The following FGD6 variants were observed in gnomAD, a reference collection of about 807,000 sequenced individuals.
FGD6 encodes the protein FYVE, RhoGEF and PH domain containing 6, also known as FYVE, RhoGEF and PH domain-containing protein 6.
FGD6 carries 90 observed loss-of-function variants against 149.4 expected under a neutral mutation model. The observed-to-expected ratio is 0.60, with a 90% CI of 0.51 to 0.72. The LOEUF is 0.72. FGD6 is among the 30% of genes least tolerant of loss of function. FGD6 has a pLI of 0.00. For synonymous variants in FGD6, 527 were observed against 584.0 expected, an observed-to-expected ratio of 0.90 and a Z score of 1.41; for missense variants, 1,437 against 1,684.8, an observed-to-expected ratio of 0.85 and a Z score of 2.57.
At chr12:95,191,692 A>G (rs1881592849) in intron 2 of FGD6, among the ~76,000 whole-genome samples, 1 of 152,150 alleles carries the variant, frequency 6.6e-6, no homozygotes, top group Non-Finnish European at 1.5e-5. Flanking sequence ...CCCTTATATA[A>G]AATGGTATGG....
At chr12:95,211,537 T>A (rs1380019672) in intron 1 of FGD6, among the ~76,000 whole-genome samples, 2 of 82,718 alleles carry the variant, frequency 2.4e-5, no homozygotes, top group East Asian at 5.5e-4. Context: ...TTTTTTCTTT[T>A]TCTTCTTTTT....
At chr12:95,154,785 T>C (rs1300903619) in intron 3 of FGD6, among the ~76,000 whole-genome samples, 2 of 152,178 alleles carry the variant, frequency 1.3e-5, no homozygotes, top group Admixed American at 1.3e-4. Context: ...CAGTCATTCA[T>C]TAATGAAATG....
chr12:95,119,564 G>A (rs1325850380), intron 8 of FGD6, among the ~76,000 whole-genome samples: 1 of 152,204 alleles, frequency 6.6e-6, no homozygotes, highest in Non-Finnish European at 1.5e-5. Flanking sequence ...TATACCTGCT[G>A]TCCAGGCATA....
At chr12:95,181,767 T>C (rs1461413395) in intron 2 of FGD6, among the ~76,000 whole-genome samples, 1 of 152,032 alleles carries the variant, frequency 6.6e-6, no homozygotes, top group Admixed American at 6.6e-5. Flanking sequence ...TCCTGGCTAA[T>C]GCAGTGAAAC....
intron 13 of FGD6, among the ~76,000 whole-genome samples, chr12:95,105,816 G>A (rs2136240315): frequency 6.6e-6 from 1 of 152,248 alleles, no homozygotes; most frequent in South Asian, 2.1e-4. Flanking sequence ...TTGAGGTCAG[G>A]ACTTTGAGAC....
chr12:95,087,512 A>T (rs940461048), intron 18 of FGD6, among the ~76,000 whole-genome samples: 41 of 152,344 alleles, frequency 2.7e-4, no homozygotes, highest in African/African-American at 9.4e-4. Context: ...GCTAGTAAGA[A>T]GGCAAGGCCC....
chr12:95,195,986 G>C (rs1413830976), intron 2 of FGD6, among the ~76,000 whole-genome samples: 3 of 152,000 alleles, frequency 2.0e-5, no homozygotes, highest in Non-Finnish European at 4.4e-5. Flanking sequence ...GGCAGGTGTG[G>C]TGGCGCACGT....
chr12:95,127,119 CT>C (rs879523616), intron 8 of FGD6, among the ~76,000 whole-genome samples: 326 of 145,354 alleles, frequency 2.2e-3, no homozygotes, highest in Middle Eastern at 3.7e-3. Flanking sequence ...GACAGCCCTA[CT>C]TTTTTTTTTT....
intron 1 of FGD6, among the ~76,000 whole-genome samples, chr12:95,214,907 G>A (rs2056746451): frequency 7.1e-6 from 1 of 140,144 alleles, no homozygotes; most frequent in Non-Finnish European, 1.5e-5. Flanking sequence ...CTGTCACCCA[G>A]GCTAGAGTGC....
chr12:95,116,866 C>T, intron 8 of FGD6: 2 of 455,976 alleles, frequency 4.4e-6, no homozygotes, highest in African/African-American at 2.0e-5. Context: ...GCCTGGATCT[C>T]CTTAAACAGT....
chr12:95,094,116 G>A (rs188299868), intron 15 of FGD6, among the ~76,000 whole-genome samples: 212 of 149,094 alleles, frequency 1.4e-3, no homozygotes, highest in African/African-American at 5.0e-3. Context: ...CTGAGTTTGC[G>A]CCATTGCACT....
chr12:95,146,225 C>A (rs539836033), intron 5 of FGD6, among the ~76,000 whole-genome samples: 49 of 152,288 alleles, frequency 3.2e-4, no homozygotes, highest in African/African-American at 1.2e-3. Context: ...CAGCTCTTCA[C>A]GAACCTCAGC....
At position 95,100,293 on chromosome 12, in the gene FGD6, T is replaced by C. The variant is rs182287655; in HGVS notation, c.3497+4714A>G. ...ATGCCCAGTAAACATTTGTTAATGG[T>C]TGATAGCAGACAATCGCCTTCCCTC... is the stretch of plus-strand genomic sequence containing the variant. On this transcript the variant is annotated intron_variant, in intron 14 of 20. Coordinates refer to ENST00000343958, the MANE Select transcript of FGD6 (RefSeq NM_018351.4). Among the ~76,000 whole-genome samples, 702 of 152,314 alleles carry C rather than the reference T, an allele frequency of 4.6e-3. 2 individuals are homozygous for C. Among genetic ancestry groups the C allele is most frequent in the Non-Finnish European group, 7.2e-3 (490 of 68,030 alleles).
intron 2 of FGD6, among the ~76,000 whole-genome samples, chr12:95,196,001 A>C (rs1881727415): frequency 1.3e-5 from 2 of 151,646 alleles, no homozygotes; most frequent in Admixed American, 6.6e-5. Context: ...GCACGTCTCT[A>C]ATCAGCTACT....
intron 8 of FGD6, 123 bp downstream of exon 8, chr12:95,134,616 G>GT: frequency 2.5e-6 from 2 of 810,696 alleles, no homozygotes; most frequent in South Asian, 2.9e-5. Context: ...ACAAATCCAC[G>GT]TATTAGGCAA....
At chr12:95,196,814 A>AT (rs1881747092) in intron 2 of FGD6, among the ~76,000 whole-genome samples, 1 of 149,054 alleles carries the variant, frequency 6.7e-6, no homozygotes, top group African/African-American at 2.5e-5. Flanking sequence ...TAATTTTTAA[A>AT]TTTTTTGTAG....
chr12:95,103,785 C>T (rs945648756), intron 14 of FGD6, among the ~76,000 whole-genome samples: 14 of 152,194 alleles, frequency 9.2e-5, no homozygotes, highest in African/African-American at 3.4e-4. Context: ...GATCCACCCG[C>T]CTTGGCCTCC....
chr12:95,117,098 A>G, intron 8 of FGD6: 1 of 253,880 alleles, frequency 3.9e-6, no homozygotes, highest in South Asian at 4.5e-5. Flanking sequence ...AATAACAACG[A>G]GGAGAGCAGT....
At chr12:95,138,205 A>AAAAT (rs35510034) in intron 6 of FGD6, among the ~76,000 whole-genome samples, 17,007 of 135,860 alleles carry the variant, frequency 0.13, 1,292 homozygotes, top group African/African-American at 0.19. Context: ...TTCTGTCTCA[A>AAAAT]AAATAAATAA....
Sources: allele counts gnomAD v4.1 joint callset (sites outside exome capture counted in the v4.1 genomes callset), GRCh38; gene constraint gnomAD v4.1.1; transcripts MANE v1.5; gene names NCBI Gene and HGNC (gene_info 2026-07-23, HGNC 2026-07-21).